Variants in ZFPM1 observed in about 807,000 individuals in gnomAD.
ZFPM1 encodes the protein zinc finger protein, FOG family member 1, also known as zinc finger protein ZFPM1.
ZFPM1 carries 28 observed loss-of-function variants against 46.3 expected under a neutral mutation model. The observed-to-expected ratio is 0.60, with a 90% confidence interval of 0.45 to 0.83. The LOEUF is 0.83. ZFPM1 is among the 40% of genes least tolerant of loss of function. The pLI is 0.00. For missense variants in ZFPM1, 1,878 were observed against 1,432.4 expected, an observed-to-expected ratio of 1.31 and a Z score of -5.02; for synonymous variants, 957 against 675.9, an observed-to-expected ratio of 1.42 and a Z score of -6.45.
chr16:88,454,116 G>GATC lies in ZFPM1; in HGVS notation c.40+438_40+439insATC, dbSNP rs1217704095. On this transcript the variant is annotated intron_variant, in intron 1 of 9. Transcript: ENST00000319555. ...TGAAATTGTGATCTTATCTCGCGCG[G>GATC]TTGACTCTCCCAGGCTTTGTATCTA... is the stretch of plus-strand genomic sequence containing the variant. Among the ~76,000 whole-genome samples, 9 of 152,338 alleles carry GATC rather than the reference G, an allele frequency of 5.9e-5. No homozygotes were observed. In the East Asian group the frequency reaches 1.7e-3, roughly 29 times the overall value.
chr16:88,455,004 A>T (rs1312755032), intron 1 of ZFPM1, among the ~76,000 whole-genome samples: 1 of 152,092 alleles, frequency 6.6e-6, no homozygotes, highest in Non-Finnish European at 1.5e-5. Flanking sequence ...CGCAAACGGG[A>T]CCTGTTTTCC....
Position 88,533,650 on chromosome 16 carries a change from C to A in ZFPM1, c.1692C>A (p.Gly564=), listed in dbSNP as rs553395378. ...LQQGAGAGAG[G]AQTGLFPGAP... ...AGGGCGCGGGCGCGGGCGCCGGCGGCGCGCAGACCGGGCTCTTCCCCGGGG... is the reference window on the plus strand; with the variant it reads ...AGGGCGCGGGCGCGGGCGCCGGCGGAGCGCAGACCGGGCTCTTCCCCGGGG... The change falls in exon 10 of 10, where the codon GGC becomes GGA. Residue 564 remains glycine, a synonymous_variant. Coordinates refer to ENST00000319555, the MANE Select transcript of ZFPM1 (RefSeq NM_153813.3). The A allele has an allele frequency of 6.8e-7, 1 of 1,466,134 alleles. No homozygotes were observed. 90.8% of individuals were successfully genotyped at this position (1,466,134 alleles called of 1,614,324 possible). A position where few individuals can be genotyped will look rare whatever the true frequency, so the allele number is the denominator to read the frequency against.
chr16:88,457,882 C>T (rs564358355), intron 1 of ZFPM1, among the ~76,000 whole-genome samples: 23 of 152,268 alleles, frequency 1.5e-4, no homozygotes, highest in African/African-American at 5.1e-4. Context: ...GTCTGGCGGA[C>T]CCCGGAGTCC....
rs183515718 is a variant in ZFPM1 at position 88,508,168 on chromosome 16, G to A, written c.269-6219G>A. Among the ~76,000 whole-genome samples the A allele has an allele frequency of 2.4e-4, 36 of 152,122 alleles. 1 individual carries two copies. In the East Asian group the frequency reaches 5.6e-3, roughly 24 times the overall value. On this transcript the variant is annotated intron_variant, in intron 3 of 9. Transcript: ENST00000319555. ...AAAAATTAACCGGGTGCGGTGGCGC[G>A]CACCTGTACTCCCAGCTACTCAGGA...
At chr16:88,506,898 C>T (rs954318083) in intron 3 of ZFPM1, among the ~76,000 whole-genome samples, 33 of 152,364 alleles carry the variant, frequency 2.2e-4, no homozygotes, top group African/African-American at 7.7e-4. Flanking sequence ...GTCTCATCCG[C>T]CTGCGGCTCC....
chr16:88,499,090 T>A (rs765979948), intron 3 of ZFPM1, among the ~76,000 whole-genome samples: 6 of 151,780 alleles, frequency 4.0e-5, no homozygotes, highest in Non-Finnish European at 7.4e-5. Context: ...CATCCCCAGC[T>A]CCCCAACGGC....
In ZFPM1 at chr16:88,535,913, A is replaced by C. The variant is rs1412030321; in HGVS notation, c.*934A>C. ...AGCTGGGTGGCTGTGGGCAGCCTCC[A>C]GCGTGCTTTCTCACTGGAGAACAAA... On this transcript the variant is annotated 3_prime_UTR_variant, in exon 10 of 10. Coordinates refer to ENST00000319555, the MANE Select transcript of ZFPM1 (RefSeq NM_153813.3). 6.6e-6 allele frequency: 1 copy of C among 152,176 alleles called. No homozygotes were observed. The highest frequency in any genetic ancestry group is 1.5e-5 in the Non-Finnish European group (1 of 68,022). 9.4% of individuals were successfully genotyped at this position (152,176 alleles called of 1,614,324 possible). A position where few individuals can be genotyped will look rare whatever the true frequency, so the allele number is the denominator to read the frequency against.
Position 88,534,388 on chromosome 16 carries a change from A to C in ZFPM1, c.2430A>C (p.Ala810=). 2 of 1,464,122 alleles carry C rather than the reference A, an allele frequency of 1.4e-6. No individual in the cohort carries two copies. Among genetic ancestry groups the C allele is most frequent in the Non-Finnish European group, 1.8e-6 (2 of 1,113,666 alleles). The allele number at this position is 1,464,122 out of a possible 1,614,324, so 90.7% of individuals were successfully genotyped here. A position where few individuals can be genotyped will look rare whatever the true frequency, so the allele number is the denominator to read the frequency against. ...KPRRPLPGAP[A]PALADYHECT... ...GGCGCCCGCTCCCCGGAGCCCCGGC[A>C]CCGGCGCTGGCCGACTACCACGAGT... The change falls in exon 10 of 10, where the codon GCA becomes GCC. Residue 810 remains alanine, a synonymous_variant. Coordinates refer to ENST00000319555, the MANE Select transcript of ZFPM1 (RefSeq NM_153813.3).
intron 1 of ZFPM1, among the ~76,000 whole-genome samples, chr16:88,473,612 C>T (rs896622769): frequency 3.3e-5 from 5 of 152,118 alleles, no homozygotes; most frequent in African/African-American, 1.2e-4. Flanking sequence ...ACCCATCTGA[C>T]GCAGGCTGCG....
At chr16:88,455,245 C>T (rs1907492156) in intron 1 of ZFPM1, among the ~76,000 whole-genome samples, 1 of 152,076 alleles carries the variant, frequency 6.6e-6, no homozygotes, top group South Asian at 2.1e-4. Flanking sequence ...ATCTCCAGCG[C>T]TGATAAGGCC....
Position 88,469,937 on chromosome 16 carries a change from G to A in ZFPM1, c.41-16002G>A, listed in dbSNP as rs1037792024. ...AGGATCTCCCCACGCAGCCCTCCCA[G>A]TCTGCAGAGGGGTCTCCACACATGC... On this transcript the variant is annotated intron_variant, in intron 1 of 9. Transcript: ENST00000319555. This position sits in a 1 kb window ranked among gnomAD's most constrained non-coding sequence, Gnocchi z 4.3. 6.6e-6 allele frequency among the ~76,000 whole-genome samples: 1 copy of A among 152,094 alleles called. No homozygotes were observed. The highest frequency in any genetic ancestry group is 2.4e-5 in the African/African-American group (1 of 41,388).
intron 3 of ZFPM1, among the ~76,000 whole-genome samples, chr16:88,502,657 C>G (rs945689504): frequency 6.6e-6 from 1 of 152,256 alleles, no homozygotes; most frequent in East Asian, 1.9e-4. Flanking sequence ...CGGAGCCACC[C>G]GGTCCGGGCT....
chr16:88,456,524 C>G (rs752388205), intron 1 of ZFPM1, among the ~76,000 whole-genome samples: 7 of 152,158 alleles, frequency 4.6e-5, no homozygotes, highest in Non-Finnish European at 8.8e-5. Flanking sequence ...GCATACAGGC[C>G]CTGGGTCCCA....
At chr16:88,501,372 C>T (rs374339185) in intron 3 of ZFPM1, among the ~76,000 whole-genome samples, 7 of 90,544 alleles carry the variant, frequency 7.7e-5, no homozygotes, top group South Asian at 6.5e-4. Context: ...ATGGAGATAG[C>T]AGACATGGGT....
chr16:88,532,169 T>C lies in ZFPM1; in HGVS notation c.880T>C (p.Phe294Leu). 1 of 1,612,126 alleles carries C rather than the reference T, an allele frequency of 6.2e-7. No individual in the cohort carries two copies. Among genetic ancestry groups the C allele is most frequent in the Non-Finnish European group, 8.5e-7 (1 of 1,179,464 alleles). ...CTACCCCAACGAGCGCGTCTGCCCC[T>C]TCCCCCAGTGCCGCAAGAGCTGCCC... is the stretch of plus-strand genomic sequence containing the variant. ...ETYPNERVCP[F>L]PQCRKSCPSA... Residue 294 changes from phenylalanine to leucine, a missense_variant, in exon 7 of 10, where the codon TTC (phenylalanine) becomes CTC (leucine). By Grantham distance (22) the Phe-to-Leu change is conservative. Coordinates refer to ENST00000319555, the MANE Select transcript of ZFPM1 (RefSeq NM_153813.3).
intron 3 of ZFPM1, among the ~76,000 whole-genome samples, chr16:88,503,364 T>G (rs1196792279): frequency 2.5e-5 from 2 of 80,882 alleles, no homozygotes; most frequent in Non-Finnish European, 5.2e-5. Context: ...GGTTCCTGAG[T>G]GGAGGGATCT....
intron 1 of ZFPM1, 88 bp downstream of exon 1, chr16:88,453,766 C>T (rs2142330568): frequency 2.5e-6 from 2 of 811,470 alleles, no homozygotes; most frequent in African/African-American, 1.9e-5. Flanking sequence ...CGTCCCCGCT[C>T]TGCCCTGGGC....
chr16:88,483,624 G>A (rs990639965), intron 1 of ZFPM1, among the ~76,000 whole-genome samples: 1 of 152,114 alleles, frequency 6.6e-6, no homozygotes, highest in African/African-American at 2.4e-5. Flanking sequence ...ATTGTTTTCG[G>A]CCGGGGCCCA....
At position 88,453,761 on chromosome 16, in the gene ZFPM1, C is replaced by T. The variant is rs975150392; in HGVS notation, c.40+83C>T. 77 of 865,888 alleles carry T rather than the reference C, an allele frequency of 8.9e-5. No homozygotes were observed. The African/African-American group carries it at 1.3e-3, about 15-fold the overall frequency. 53.6% of individuals were successfully genotyped at this position (865,888 alleles called of 1,614,324 possible). A position where few individuals can be genotyped will look rare whatever the true frequency, so the allele number is the denominator to read the frequency against. ...CCGCCAGCGCCGCCCCCGCCCGTCC[C>T]CGCTCTGCCCTGGGCGCCGGCGACC... On this transcript the variant is annotated intron_variant, in intron 1 of 9. Transcript: ENST00000319555.
Sources: allele counts gnomAD v4.1 joint callset (sites outside exome capture counted in the v4.1 genomes callset), GRCh38; gene constraint gnomAD v4.1.1; non-coding constraint Gnocchi (gnomAD v3.1); transcripts MANE v1.5; gene names NCBI Gene and HGNC (gene_info 2026-07-23, HGNC 2026-07-21).